The following PLGRKT variants were observed in gnomAD, a reference collection of about 807,000 sequenced individuals.
PLGRKT encodes plasminogen receptor with a C-terminal lysine, also known as plasminogen receptor (KT).
A neutral mutation model predicts 18.5 loss-of-function variants in PLGRKT; 22 were observed. That is an observed-to-expected ratio of 1.19 (90% CI 0.85 to 1.70). PLGRKT has a LOEUF of 1.70. PLGRKT is among the 40% of genes most tolerant of loss of function. The probability of loss-of-function intolerance (pLI) is 0.00; values close to 1 mark genes in which losing one functional copy is unlikely to be tolerated. For missense variants in PLGRKT, 235 were observed against 174.4 expected, an observed-to-expected ratio of 1.35 and a Z score of -1.96; for synonymous variants, 72 against 52.8, an observed-to-expected ratio of 1.36 and a Z score of -1.58.
chr9:5,359,034 G>A (rs1236454247), intron 5 of PLGRKT, among the ~76,000 whole-genome samples: 1 of 151,096 alleles, frequency 6.6e-6, no homozygotes, highest in Non-Finnish European at 1.5e-5. Context: ...AACACTTTCT[G>A]TGAGTACTCC....
intron 3 of PLGRKT, among the ~76,000 whole-genome samples, chr9:5,416,460 G>C (rs993221263): frequency 6.6e-6 from 1 of 152,118 alleles, no homozygotes; most frequent in East Asian, 1.9e-4. Flanking sequence ...AATTATTAAA[G>C]CTATAGGATC....
chr9:5,430,764 T>A (rs570604446), intron 3 of PLGRKT, among the ~76,000 whole-genome samples: 44 of 152,230 alleles, frequency 2.9e-4, no homozygotes, highest in South Asian at 1.0e-3. Context: ...AGAGCCATAA[T>A]GGGCCACAGA....
chr9:5,377,382 A>G (rs1817649962), intron 3 of PLGRKT, among the ~76,000 whole-genome samples: 1 of 152,106 alleles, frequency 6.6e-6, no homozygotes, highest in African/African-American at 2.4e-5. Flanking sequence ...TAGTTCACTC[A>G]TTATACTAAA....
At chr9:5,365,310 G>C (rs1253104228) in intron 3 of PLGRKT, among the ~76,000 whole-genome samples, 1 of 152,126 alleles carries the variant, frequency 6.6e-6, no homozygotes, top group Non-Finnish European at 1.5e-5. Flanking sequence ...AATGTCCAAA[G>C]CTGGAACAAT....
chr9:5,435,303 A>C (rs1179255620), intron 2 of PLGRKT, among the ~76,000 whole-genome samples: 1 of 146,642 alleles, frequency 6.8e-6, no homozygotes, highest in Non-Finnish European at 1.5e-5. Flanking sequence ...GAAACACCCA[A>C]GAATGATCAA....
chr9:5,384,465 GA>G (rs1817804898), intron 3 of PLGRKT, among the ~76,000 whole-genome samples: 1 of 152,144 alleles, frequency 6.6e-6, no homozygotes, highest in Non-Finnish European at 1.5e-5. Context: ...TAGACATGGA[GA>G]GGAATAAAAT....
chr9:5,394,283 T>C (rs1173960641), intron 3 of PLGRKT, among the ~76,000 whole-genome samples: 1 of 151,840 alleles, frequency 6.6e-6, no homozygotes, highest in Non-Finnish European at 1.5e-5. Context: ...CAGACATATT[T>C]ACTAGTTTCT....
intron 3 of PLGRKT, among the ~76,000 whole-genome samples, chr9:5,424,698 A>AC (rs554487361): frequency 0.016 from 1,182 of 75,308 alleles, 14 homozygotes; most frequent in Non-Finnish European, 0.027. Context: ...ATATACACAC[A>AC]GGGGGGGGAG....
At position 5,422,260 on chromosome 9, in the gene PLGRKT, G is replaced by GT. The variant is rs148519014; in HGVS notation, c.81+9636dup. On this transcript the variant is annotated intron_variant, in intron 3 of 5. Coordinates refer to ENST00000223864, the MANE Select transcript of PLGRKT (RefSeq NM_018465.4). ...GTAGATCAGGTCGATATGACTAAAG[G>GT]TAAGACAACCAGACCTCATGAGCCT... is the stretch of plus-strand genomic sequence containing the variant. Among the ~76,000 whole-genome samples, 105 of 152,224 alleles carry GT rather than the reference G, an allele frequency of 6.9e-4. No individual in the cohort carries two copies. In the East Asian group the frequency reaches 0.019, roughly 28 times the overall value.
At chr9:5,387,447 G>T (rs560697926) in intron 3 of PLGRKT, among the ~76,000 whole-genome samples, 1 of 151,764 alleles carries the variant, frequency 6.6e-6, no homozygotes, top group South Asian at 2.1e-4. Flanking sequence ...TCATATAATG[G>T]GATACTATAA....
At chr9:5,432,908 C>T (rs1818859223) in intron 2 of PLGRKT, among the ~76,000 whole-genome samples, 3 of 152,112 alleles carry the variant, frequency 2.0e-5, no homozygotes, top group Admixed American at 6.5e-5. Flanking sequence ...AGCCTCTGCC[C>T]GCCCGCCACT....
intron 3 of PLGRKT, among the ~76,000 whole-genome samples, chr9:5,381,384 A>G (rs1272543524): frequency 6.6e-6 from 1 of 152,198 alleles, no homozygotes; most frequent in Non-Finnish European, 1.5e-5. Context: ...TGTGGCTAAA[A>G]AGGGCCAAGG....
At chr9:5,384,358 C>A (rs1817802588) in intron 3 of PLGRKT, among the ~76,000 whole-genome samples, 1 of 152,044 alleles carries the variant, frequency 6.6e-6, no homozygotes, top group Admixed American at 6.5e-5. Context: ...TATGAAATTT[C>A]AGATAAAGTT....
At chr9:5,397,210 T>C (rs1051466609) in intron 3 of PLGRKT, among the ~76,000 whole-genome samples, 3 of 151,972 alleles carry the variant, frequency 2.0e-5, no homozygotes, top group South Asian at 2.1e-4. Context: ...CATTAGGAAA[T>C]GAGCTCATGG....
chr9:5,416,373 T>G (rs1170386227), intron 3 of PLGRKT, among the ~76,000 whole-genome samples: 1 of 152,188 alleles, frequency 6.6e-6, no homozygotes, highest in Non-Finnish European at 1.5e-5. Context: ...TTACCTGAAA[T>G]TCTGTTTGAA....
intron 3 of PLGRKT, among the ~76,000 whole-genome samples, chr9:5,374,669 C>G (rs1817593861): frequency 6.6e-6 from 1 of 152,148 alleles, no homozygotes; most frequent in Non-Finnish European, 1.5e-5. Context: ...CAGGTTATTT[C>G]CAATGCTAAA....
chr9:5,402,377 G>A (rs961450021), intron 3 of PLGRKT, among the ~76,000 whole-genome samples: 1 of 151,890 alleles, frequency 6.6e-6, no homozygotes. Flanking sequence ...GCTAGAAGGG[G>A]AAGGGGAAGG....
At chr9:5,366,563 G>A (rs545611030) in intron 3 of PLGRKT, among the ~76,000 whole-genome samples, 3 of 151,864 alleles carry the variant, frequency 2.0e-5, no homozygotes, top group African/African-American at 7.3e-5. Context: ...CACATAAGAC[G>A]CTCCACAAAC....
At position 5,398,406 on chromosome 9, in the gene PLGRKT, T is replaced by C. The variant is rs547328015; in HGVS notation, c.81+33491A>G. 2.2e-4 allele frequency among the ~76,000 whole-genome samples: 34 copies of C among 152,060 alleles called. 1 individual carries two copies. Among genetic ancestry groups the C allele is most frequent in the African/African-American group, 7.5e-4 (31 of 41,312 alleles). On this transcript the variant is annotated intron_variant, in intron 3 of 5. Transcript: ENST00000223864. ...TGACAACCGATCCAAGGAGAGAAGTTAACTCTGTTAAGCCAACCAAGTGAC... is the reference window on the plus strand; with the variant it reads ...TGACAACCGATCCAAGGAGAGAAGTCAACTCTGTTAAGCCAACCAAGTGAC...
Sources: allele counts gnomAD v4.1 joint callset (sites outside exome capture counted in the v4.1 genomes callset), GRCh38; gene constraint gnomAD v4.1.1; transcripts MANE v1.5; gene names NCBI Gene and HGNC (gene_info 2026-07-23, HGNC 2026-07-21).